The following FBP2 variants were observed in gnomAD, a reference collection of about 807,000 sequenced individuals.
The protein encoded by FBP2 is fructose-bisphosphatase 2.
A neutral mutation model predicts 31.6 loss-of-function variants in FBP2; 27 were observed. That is an observed-to-expected ratio of 0.85 (90% CI 0.63 to 1.18). The LOEUF (loss-of-function observed/expected upper bound fraction) is 1.18. Among genes scored for constraint, FBP2 ranks in the 50% most tolerant of loss-of-function variants. The probability of loss-of-function intolerance (pLI) is 0.00; values close to 1 mark genes in which losing one functional copy is unlikely to be tolerated. For synonymous variants in FBP2, 168 were observed against 179.8 expected (o/e 0.93, Z 0.53); for missense variants, 421 against 436.1 (o/e 0.97, Z 0.31).
chr9:94,576,415 A>G lies in FBP2; in HGVS notation c.427-4813T>C, dbSNP rs576291557. Reference sequence around the variant, plus strand: ...GACTCTGCAGGCAGTGAGCATGTGGACCTGCATTCAGTTACAATTTTAGTG... The same window carrying G: ...GACTCTGCAGGCAGTGAGCATGTGGGCCTGCATTCAGTTACAATTTTAGTG... On this transcript the variant is annotated intron_variant, in intron 3 of 6. Coordinates refer to ENST00000375337, the MANE Select transcript of FBP2 (RefSeq NM_003837.4). 3.9e-5 allele frequency among the ~76,000 whole-genome samples: 6 copies of G among 152,286 alleles called. No homozygotes were observed. In the South Asian group the frequency reaches 1.2e-3, roughly 32 times the overall value.
chr9:94,563,787 T>G (rs561151827), intron 5 of FBP2, among the ~76,000 whole-genome samples: 8 of 151,986 alleles, frequency 5.3e-5, no homozygotes, highest in African/African-American at 1.9e-4. Flanking sequence ...AGGCTCAAAA[T>G]AAAGGGATGG....
At chr9:94,591,985 T>C (rs1409268176) in intron 1 of FBP2, among the ~76,000 whole-genome samples, 1 of 152,168 alleles carries the variant, frequency 6.6e-6, no homozygotes. Context: ...AGCCACTGCC[T>C]AGCCAAGAGC....
At position 94,587,322 on chromosome 9, in the gene FBP2, G is replaced by C; in HGVS notation, c.318C>G (p.Thr106=). ...VSEENKDAII[T]AKEKRGKYVV... Reference sequence around the variant, plus strand: ...CATGACGCACCCGCTTCTCCTTGGCGGTGATGATGGCGTCCTTATTCTCTT... The same window carrying C: ...CATGACGCACCCGCTTCTCCTTGGCCGTGATGATGGCGTCCTTATTCTCTT... Residue 106 remains threonine (T), a synonymous_variant, in exon 2 of 7, where the codon ACC becomes ACG. Coordinates refer to ENST00000375337, the MANE Select transcript of FBP2 (RefSeq NM_003837.4). 3.7e-6 allele frequency: 6 copies of C among 1,611,828 alleles called. No homozygotes were observed. The highest frequency in any genetic ancestry group is 5.1e-6 in the Non-Finnish European group (6 of 1,179,470).
At chr9:94,577,603 A>G (rs2131454099) in intron 3 of FBP2, 1 of 152,248 alleles carries the variant, frequency 6.6e-6, no homozygotes, top group African/African-American at 2.4e-5. Flanking sequence ...AACATTGAAA[A>G]CTCATTTGAA....
intron 3 of FBP2, among the ~76,000 whole-genome samples, chr9:94,582,696 C>T (rs1827384660): frequency 6.6e-6 from 1 of 151,542 alleles, no homozygotes; most frequent in Admixed American, 6.6e-5. Context: ...TACAGGCACC[C>T]ACCACCACGC....
chr9:94,573,176 G>C (rs2945798), intron 3 of FBP2: 74,004 of 152,046 alleles, frequency 0.49, 18,644 homozygotes, highest in African/African-American at 0.61. Context: ...TAAGCATTCA[G>C]TCTTTCACCA....
chr9:94,584,133 A>G (rs78826521), intron 3 of FBP2, among the ~76,000 whole-genome samples: 8,899 of 152,294 alleles, frequency 0.058, 384 homozygotes, highest in African/African-American at 0.1. Context: ...TCAGGGGTTC[A>G]GATTTCAAAT....
intron 3 of FBP2, among the ~76,000 whole-genome samples, chr9:94,580,926 T>G (rs1235189730): frequency 6.6e-6 from 1 of 152,216 alleles, no homozygotes; most frequent in East Asian, 1.9e-4. Flanking sequence ...GCCTTGTCTC[T>G]GGATCCAGGC....
chr9:94,567,139 C>G, intron 5 of FBP2, 131 bp downstream of exon 5: 2 of 832,024 alleles, frequency 2.4e-6, no homozygotes, highest in East Asian at 2.4e-5. Context: ...CAGAGTCCAT[C>G]ATCTTCATAC....
At chr9:94,592,567 T>C (rs1827513921) in intron 1 of FBP2, among the ~76,000 whole-genome samples, 1 of 152,176 alleles carries the variant, frequency 6.6e-6, no homozygotes, top group Non-Finnish European at 1.5e-5. Flanking sequence ...TGGAATCTCG[T>C]CCTGTCACCC....
intron 1 of FBP2, among the ~76,000 whole-genome samples, chr9:94,590,602 G>A (rs1207799811): frequency 1.3e-5 from 2 of 152,122 alleles, no homozygotes; most frequent in Non-Finnish European, 2.9e-5. Flanking sequence ...GTCTCACTGG[G>A]CTCAGAAGTG....
intron 1 of FBP2, among the ~76,000 whole-genome samples, chr9:94,588,929 A>C (rs1180582077): frequency 6.6e-6 from 1 of 152,026 alleles, no homozygotes; most frequent in East Asian, 1.9e-4. Context: ...TTGCTGCCCC[A>C]CCTGGGACAC....
intron 1 of FBP2, among the ~76,000 whole-genome samples, chr9:94,588,838 T>C (rs1827460133): frequency 6.6e-6 from 1 of 152,034 alleles, no homozygotes; most frequent in South Asian, 2.1e-4. Context: ...GCTGCCCGTC[T>C]CTCTCATCCT....
At chr9:94,562,309 C>CAAAAAAAAAAAAAAAAAAAAAAAAAA (rs397893359) in intron 6 of FBP2, among the ~76,000 whole-genome samples, 1 of 72,106 alleles carries the variant, frequency 1.4e-5, no homozygotes, top group Non-Finnish European at 2.6e-5. Flanking sequence ...GACTCCATCT[C>CAAAAAAAAAAAAAAAAAAAAAAAAAA]AAAAAAAAAA....
Position 94,567,170 on chromosome 9 carries a change from G to A in FBP2, c.705+100C>T. 2.5e-6 allele frequency: 3 copies of A among 1,212,306 alleles called. No individual in the cohort carries two copies. The South Asian group carries it at 3.9e-5, about 16-fold the overall frequency. The allele number at this position is 1,212,306 out of a possible 1,614,324, so 75.1% of individuals were successfully genotyped here. A position where few individuals can be genotyped will look rare whatever the true frequency, so the allele number is the denominator to read the frequency against. Reference sequence around the variant, plus strand: ...CATACTGACCACAGCCATAAACAGTGGCACCAACCTCTTTCAGCAAAGCCC... The same window carrying A: ...CATACTGACCACAGCCATAAACAGTAGCACCAACCTCTTTCAGCAAAGCCC... On this transcript the variant is annotated intron_variant, in intron 5 of 6. Transcript: ENST00000375337.
intron 4 of FBP2, chr9:94,569,853 C>T (rs1827247504): frequency 6.6e-6 from 1 of 152,242 alleles, no homozygotes; most frequent in Non-Finnish European, 1.5e-5. Flanking sequence ...TCCCACAGAC[C>T]TCACAGGCTC....
rs376553206 is a variant in FBP2 at position 94,587,361 on chromosome 9, G to A, written c.279C>T (p.Cys93=). ...CCTTATTCTCTTCTGAGACCAGGAC[G>A]CAGGTACTATAGGAGGATTGGACCA... The part of the protein sequence containing the change: ...INMVQSSYST[C]VLVSEENKDA... Residue 93 remains cysteine (C), a synonymous_variant, in exon 2 of 7, where the codon TGC becomes TGT. Transcript: ENST00000375337. The A allele has an allele frequency of 4.8e-5, 77 of 1,613,896 alleles. No individual in the cohort carries two copies. Among genetic ancestry groups the A allele is most frequent in the African/African-American group, 4.4e-4 (33 of 74,912 alleles).
In FBP2 at chr9:94,565,385, A is replaced by G. The variant is rs72743260; in HGVS notation, c.705+1885T>C. 8.8e-4 allele frequency among the ~76,000 whole-genome samples: 119 copies of G among 134,898 alleles called. 3 individuals carry two copies. Among genetic ancestry groups the G allele is most frequent in the Middle Eastern group, 4.0e-3 (1 of 250 alleles). 88.5% of individuals were successfully genotyped at this position (134,898 alleles called of 152,430 possible). A position where few individuals can be genotyped will look rare whatever the true frequency, so the allele number is the denominator to read the frequency against. On this transcript the variant is annotated intron_variant, in intron 5 of 6. Transcript: ENST00000375337. ...CTCCACCTCAAAAAAAAAAAAAAAA[A>G]AGATGTTCCCAGTGGGGTTTTTGAG... is the stretch of plus-strand genomic sequence containing the variant.
intron 3 of FBP2, among the ~76,000 whole-genome samples, chr9:94,572,054 AC>A (rs1827275479): frequency 6.6e-6 from 1 of 151,914 alleles, no homozygotes; most frequent in Non-Finnish European, 1.5e-5. Flanking sequence ...AAGATTAACA[AC>A]CTACTGCAGC....
Sources: gnomAD v4.1 joint callset for allele counts (sites outside exome capture counted in the v4.1 genomes callset) on GRCh38, gnomAD v4.1.1 for gene constraint, MANE v1.5 for transcripts, NCBI Gene and HGNC (gene_info 2026-07-23, HGNC 2026-07-21) for gene names.